Variants in CDC73 observed in about 807,000 individuals in gnomAD.
CDC73 encodes cell division cycle 73, also known as parafibromin.
A neutral mutation model predicts 83.7 loss-of-function variants in CDC73; 21 were observed. The ratio of observed to expected loss-of-function variants is 0.25; its 90% CI spans 0.18 to 0.36. CDC73 has a LOEUF of 0.36. Ranked by LOEUF, CDC73 falls within the 10% of genes least tolerant of loss-of-function variation. The pLI is 1.00. For missense variants in CDC73, 342 were observed against 653.3 expected (o/e 0.52, Z 5.19); for synonymous variants, 224 against 212.9 (o/e 1.05, Z -0.45).
chr1:193,158,615 G>C (rs937585913), intron 10 of CDC73, among the ~76,000 whole-genome samples: 1 of 151,830 alleles, frequency 6.6e-6, no homozygotes, highest in African/African-American at 2.4e-5. Flanking sequence ...TGTTTTTTCT[G>C]TACTCTGTGT....
At chr1:193,159,452 C>T (rs1236997134) in intron 10 of CDC73, among the ~76,000 whole-genome samples, 3 of 152,132 alleles carry the variant, frequency 2.0e-5, no homozygotes, top group Non-Finnish European at 4.4e-5. Context: ...CTCAGTGCAA[C>T]ATCCGTCTCC....
chr1:193,125,354 G>C (rs1675546895), intron 2 of CDC73, 137 bp downstream of exon 2: 1 of 683,676 alleles, frequency 1.5e-6, no homozygotes, highest in South Asian at 1.5e-5. Flanking sequence ...GAACTCCTAG[G>C]CTCAAGTGAT....
At chr1:193,172,318 A>G (rs1283846326) in intron 10 of CDC73, among the ~76,000 whole-genome samples, 1 of 151,014 alleles carries the variant, frequency 6.6e-6, no homozygotes, top group Non-Finnish European at 1.5e-5. Context: ...ATAACAGCAT[A>G]TGATAAAGTT....
At chr1:193,221,869 A>G (rs553921200) in intron 13 of CDC73, among the ~76,000 whole-genome samples, 2 of 152,262 alleles carry the variant, frequency 1.3e-5, no homozygotes, top group South Asian at 2.1e-4. Flanking sequence ...AGGCTTTGCT[A>G]TGTAATTAAT....
At chr1:193,224,339 GTATA>G (rs10541068) in intron 13 of CDC73, among the ~76,000 whole-genome samples, 7 of 149,742 alleles carry the variant, frequency 4.7e-5, no homozygotes, top group Admixed American at 6.7e-5. Flanking sequence ...ATTGTTCCAT[GTATA>G]TATATATATA....
Position 193,197,319 on chromosome 1 carries a change from T to C in CDC73, c.973-6476T>C, listed in dbSNP as rs190935155. Among the ~76,000 whole-genome samples the C allele has an allele frequency of 5.3e-5, 8 of 152,278 alleles. No homozygotes were observed. In the East Asian group the frequency reaches 1.4e-3, roughly 26 times the overall value. ...CATTAGGTCATGGTATATAATACTT[T>C]TAATTTGCTGCTGAATTCAGTTTGC... On this transcript the variant is annotated intron_variant, in intron 10 of 16. Transcript: ENST00000367435.
At chr1:193,233,625 T>TG in intron 14 of CDC73, among the ~76,000 whole-genome samples, 2 of 152,210 alleles carry the variant, frequency 1.3e-5, no homozygotes, top group Non-Finnish European at 2.9e-5. Flanking sequence ...TTCTTTCCAC[T>TG]TGTTCATTTG....
intron 11 of CDC73, 75 bp from the exon 12 acceptor site, chr1:193,211,990 T>C: frequency 2.7e-6 from 3 of 1,122,720 alleles, no homozygotes; most frequent in Non-Finnish European, 4.0e-6. Context: ...TTAAAAAATA[T>C]CCCTTATTTG....
chr1:193,208,237 C>T (rs749420745), intron 11 of CDC73, among the ~76,000 whole-genome samples: 15 of 152,098 alleles, frequency 9.9e-5, no homozygotes, highest in Non-Finnish European at 1.9e-4. Context: ...TTTTCTTTAT[C>T]TCCACTACCA....
rs141629933 is a variant in CDC73, at chr1:193,216,103, A to C, written c.1154+3626A>C. 4.1e-4 allele frequency among the ~76,000 whole-genome samples: 62 copies of C among 152,330 alleles called. No homozygotes were observed. The East Asian group carries it at 9.3e-3, about 23-fold the overall frequency. ...GTAGCAGAAGAAAATAACCAAAATCAGAGCTGAACTAAATTGATATGTGAA... is the reference window on the plus strand; with the variant it reads ...GTAGCAGAAGAAAATAACCAAAATCCGAGCTGAACTAAATTGATATGTGAA... On this transcript the variant is annotated intron_variant, in intron 13 of 16. Transcript: ENST00000367435.
chr1:193,135,826 A>G (rs1192040047), intron 5 of CDC73, among the ~76,000 whole-genome samples: 2 of 150,314 alleles, frequency 1.3e-5, no homozygotes, highest in East Asian at 3.9e-4. Context: ...CTTATGGATG[A>G]ACCTATTGGC....
At chr1:193,224,408 CAT>C (rs776813301) in intron 13 of CDC73, among the ~76,000 whole-genome samples, 3 of 151,300 alleles carry the variant, frequency 2.0e-5, no homozygotes, top group African/African-American at 4.9e-5. Flanking sequence ...CACATATACA[CAT>C]ATGAAATATG....
chr1:193,177,513 G>C (rs1676629154), intron 10 of CDC73, among the ~76,000 whole-genome samples: 1 of 143,788 alleles, frequency 7.0e-6, no homozygotes, highest in East Asian at 2.0e-4. Flanking sequence ...CTGGGCGACA[G>C]AGCAAGACTC....
intron 10 of CDC73, among the ~76,000 whole-genome samples, chr1:193,164,795 A>G (rs1395123888): frequency 1.3e-5 from 2 of 152,210 alleles, no homozygotes; most frequent in East Asian, 3.8e-4. Context: ...CTTTAGATGT[A>G]TAGATTACTG....
chr1:193,203,750 G>A (rs757270886), intron 10 of CDC73, 45 bp from the exon 11 acceptor site: 35 of 1,405,138 alleles, frequency 2.5e-5, no homozygotes, highest in Non-Finnish European at 3.4e-5. Context: ...TGTTTATTAT[G>A]TAAAGAAACT....
At chr1:193,203,730 ATAAT>A in intron 10 of CDC73, 61 bp from the exon 11 acceptor site, 1 of 1,256,718 alleles carries the variant, frequency 8.0e-7, no homozygotes, top group Non-Finnish European at 1.2e-6. Flanking sequence ...TTTCTTTGGA[ATAAT>A]TAAAGTGTTT....
At chr1:193,131,946 A>G (rs1351698056) in intron 3 of CDC73, among the ~76,000 whole-genome samples, 2 of 152,204 alleles carry the variant, frequency 1.3e-5, no homozygotes, top group African/African-American at 2.4e-5. Flanking sequence ...GTTTATGTAC[A>G]TAGTGTCTGT....
chr1:193,212,037 G>C (rs1010012740), intron 11 of CDC73, 28 bp from the exon 12 acceptor site: 19 of 1,544,454 alleles, frequency 1.2e-5, no homozygotes, highest in African/African-American at 2.7e-5. Context: ...TTATGACACA[G>C]AGTTGTGATT....
chr1:193,204,469 T>G (rs1475480398), intron 11 of CDC73, among the ~76,000 whole-genome samples: 1 of 151,518 alleles, frequency 6.6e-6, no homozygotes, highest in Non-Finnish European at 1.5e-5. Context: ...TTTTGTATTT[T>G]TAGTAGAGAC....
Sources: gnomAD v4.1 joint callset for allele counts (sites outside exome capture counted in the v4.1 genomes callset) on GRCh38, gnomAD v4.1.1 for gene constraint, MANE v1.5 for transcripts, NCBI Gene and HGNC (gene_info 2026-07-23, HGNC 2026-07-21) for gene names.